KDM1B: variants seen among roughly 807,000 people sequenced by gnomAD.
KDM1B encodes lysine demethylase 1B.
In KDM1B, 63 loss-of-function variants were observed where a neutral mutation model predicts 107.4. The ratio of observed to expected loss-of-function variants is 0.59; its 90% CI spans 0.48 to 0.72. KDM1B has a LOEUF of 0.72. Among genes scored for constraint, KDM1B ranks in the 30% least tolerant of loss-of-function variants. The probability of loss-of-function intolerance (pLI) is 0.00; values close to 1 mark genes in which losing one functional copy is unlikely to be tolerated. For missense variants in KDM1B, 749 were observed against 1,020.8 expected (o/e 0.73, Z 3.63); for synonymous variants, 363 against 363.9 (o/e 1.00, Z 0.03).
At chr6:18,165,925 G>A (rs1785268545) in intron 5 of KDM1B, among the ~76,000 whole-genome samples, 1 of 152,154 alleles carries the variant, frequency 6.6e-6, no homozygotes, top group African/African-American at 2.4e-5. Flanking sequence ...GGAGTTCGAG[G>A]TTGCAGCACA....
chr6:18,221,706 A>C (rs538769183), intron 21 of KDM1B, among the ~76,000 whole-genome samples: 1 of 152,238 alleles, frequency 6.6e-6, no homozygotes, highest in East Asian at 1.9e-4. Context: ...TAGTACTTCA[A>C]GATAGCATAC....
Position 18,162,135 on chromosome 6 carries a change from A to G in KDM1B, c.215+681A>G, listed in dbSNP as rs1046952490. Among the ~76,000 whole-genome samples the G allele has an allele frequency of 1.6e-4, 24 of 152,112 alleles. No individual in the cohort carries two copies. The highest frequency in any genetic ancestry group is 1.8e-4 in the Non-Finnish European group (12 of 68,018). On this transcript the variant is annotated intron_variant, in intron 4 of 21. Coordinates refer to ENST00000650836, the MANE Select transcript of KDM1B (RefSeq NM_001364614.2). The surrounding 1 kb of genome is among the most constrained non-coding windows in gnomAD (Gnocchi z 4.1). The stretch of plus-strand genomic sequence containing the variant: ...CAGGAGTTCCAGACCAGCCTGGCCA[A>G]CATGGTGAAACCCTGTCTCTACTAA...
intron 9 of KDM1B, among the ~76,000 whole-genome samples, chr6:18,189,699 A>C (rs1787145869): frequency 6.6e-6 from 1 of 152,212 alleles, no homozygotes; most frequent in Admixed American, 6.5e-5. Context: ...CATGAAGGCA[A>C]ATATCTATTA....
chr6:18,199,311 A>C (rs1787880941), intron 12 of KDM1B, among the ~76,000 whole-genome samples: 1 of 152,174 alleles, frequency 6.6e-6, no homozygotes, highest in African/African-American at 2.4e-5. Context: ...AGTTTGGAGA[A>C]TCAATATTCC....
In KDM1B at chr6:18,155,436, AGCGGCG is replaced by A; in HGVS notation, c.-178_-173del. On this transcript the variant is annotated 5_prime_UTR_variant, in exon 1 of 22. Transcript: ENST00000650836. The surrounding 1 kb of genome is among the most constrained non-coding windows in gnomAD (Gnocchi z 6.2). ...CGGGTCACGCCGTGACAGGGGCGGA[AGCGGCG>A]GCGGCGGCGGCGGCCGAGAAGAGGC... 1.3e-5 allele frequency: 2 copies of A among 158,108 alleles called. No homozygotes were observed. The highest frequency in any genetic ancestry group is 2.8e-5 in the Non-Finnish European group (2 of 72,662). 9.8% of individuals were successfully genotyped at this position (158,108 alleles called of 1,614,324 possible). A position where few individuals can be genotyped will look rare whatever the true frequency, so the allele number is the denominator to read the frequency against.
rs191046265 is a variant in KDM1B, at chr6:18,209,642, G to C, written c.1866+1436G>C. ...TTTTTCAGAGACAGGGTCTCAGTCT[G>C]TCGCCCAGGCTGGAGTGCAGTGGCA... On this transcript the variant is annotated intron_variant, in intron 17 of 21. Transcript: ENST00000650836. The surrounding 1 kb of genome is among the most constrained non-coding windows in gnomAD (Gnocchi z 4.3). 4.6e-5 allele frequency among the ~76,000 whole-genome samples: 7 copies of C among 152,282 alleles called. No homozygotes were observed. The East Asian group carries it at 1.4e-3, about 29-fold the overall frequency.
intron 10 of KDM1B, among the ~76,000 whole-genome samples, chr6:18,192,230 C>G (rs1205847857): frequency 1.3e-5 from 2 of 152,164 alleles, no homozygotes; most frequent in Non-Finnish European, 2.9e-5. Flanking sequence ...CCACTGCACT[C>G]TAGCTTGGGT....
At chr6:18,210,770 G>A (rs1044810092) in intron 17 of KDM1B, among the ~76,000 whole-genome samples, 6 of 152,120 alleles carry the variant, frequency 3.9e-5, no homozygotes, top group East Asian at 1.9e-4. Flanking sequence ...AGGCTGAGGC[G>A]AGAAGATGGC....
At chr6:18,171,582 G>T in intron 7 of KDM1B, 103 bp downstream of exon 7, 1 of 722,072 alleles carries the variant, frequency 1.4e-6, no homozygotes, top group African/African-American at 1.7e-5. Context: ...ATTCTGTCAA[G>T]GTTGTATTTG....
rs1787744308 is a variant in KDM1B, at chr6:18,197,798, A to G, written c.1221+137A>G. 1.8e-6 allele frequency: 1 copy of G among 543,420 alleles called. No individual in the cohort carries two copies. Among genetic ancestry groups the G allele is most frequent in the East Asian group, 3.3e-5 (1 of 30,478 alleles). The allele number at this position is 543,420 out of a possible 1,614,324, so 33.7% of individuals were successfully genotyped here. A position where few individuals can be genotyped will look rare whatever the true frequency, so the allele number is the denominator to read the frequency against. ...TATATGTTTATATTAGGTCCTAGAA[A>G]AGTTATAAAACTTGAAATTGATTTC... On this transcript the variant is annotated intron_variant, in intron 12 of 21. Coordinates refer to ENST00000650836, the MANE Select transcript of KDM1B (RefSeq NM_001364614.2). This position sits in a 1 kb window ranked among gnomAD's most constrained non-coding sequence, Gnocchi z 4.5.
intron 6 of KDM1B, among the ~76,000 whole-genome samples, chr6:18,167,183 C>A (rs966021489): frequency 6.6e-6 from 1 of 151,712 alleles, no homozygotes. Context: ...GGGGAAACCC[C>A]GTCTCTACTA....
chr6:18,194,795 G>A (rs1239443303), intron 10 of KDM1B, among the ~76,000 whole-genome samples: 7 of 152,108 alleles, frequency 4.6e-5, no homozygotes, highest in African/African-American at 1.7e-4. Flanking sequence ...GAGCCACCGT[G>A]CCTAGCCCTA....
At chr6:18,157,802 A>G (rs1223915209) in intron 2 of KDM1B, among the ~76,000 whole-genome samples, 2 of 142,344 alleles carry the variant, frequency 1.4e-5, no homozygotes, top group African/African-American at 2.6e-5. Flanking sequence ...TTATAGGTAG[A>G]TAGTCCTTTT....
intron 12 of KDM1B, among the ~76,000 whole-genome samples, chr6:18,199,601 C>T (rs1462825455): frequency 6.6e-6 from 1 of 152,074 alleles, no homozygotes. Context: ...CTTCTCATGC[C>T]ACCAGCATTA....
At chr6:18,206,944 A>G (rs755804151) in intron 15 of KDM1B, among the ~76,000 whole-genome samples, 18 of 152,188 alleles carry the variant, frequency 1.2e-4, no homozygotes, top group Non-Finnish European at 2.4e-4. Context: ...AACTCCACGG[A>G]TGATTTCAGA....
chr6:18,199,008 G>GAAAAAAAAAAA (rs70974711), intron 12 of KDM1B, among the ~76,000 whole-genome samples: 146 of 74,636 alleles, frequency 2.0e-3, no homozygotes, highest in Non-Finnish European at 2.6e-3. Context: ...GTCTCTACCA[G>GAAAAAAAAAAA]AAAAAAAAAA....
Position 18,201,505 on chromosome 6 carries a change from A to C in KDM1B, c.1379A>C (p.Lys460Thr), listed in dbSNP as rs1561942519. 2 of 1,548,802 alleles carry C rather than the reference A, an allele frequency of 1.3e-6. No individual in the cohort carries two copies. Among genetic ancestry groups the C allele is most frequent in the Non-Finnish European group, 1.7e-6 (2 of 1,146,568 alleles). Residue 460 changes from lysine (K) to threonine (T), a missense_variant, in exon 14 of 22, where the codon AAA (lysine) becomes ACA (threonine). Transcript: ENST00000650836. The surrounding 1 kb of genome is among the most constrained non-coding windows in gnomAD (Gnocchi z 4.3). The part of the protein sequence containing the change: ...MCEQLGISMH[K>T]FGERCDLIQE... The stretch of plus-strand genomic sequence containing the variant: ...TTGAAGCTTGGCATCAGCATGCATA[A>C]ATTTGGAGAAAGATGTGACTTAATT...
chr6:18,189,163 C>T lies in KDM1B; in HGVS notation c.784+1161C>T, dbSNP rs549159003. 6.6e-5 allele frequency among the ~76,000 whole-genome samples: 10 copies of T among 152,218 alleles called. No individual in the cohort carries two copies. In the East Asian group the frequency reaches 7.7e-4, roughly 12 times the overall value. The stretch of plus-strand genomic sequence containing the variant: ...AGAAGCAAGAATTCTGGATTTCCTA[C>T]GCCTGGACAGGAACAAATGGCATTT... On this transcript the variant is annotated intron_variant, in intron 9 of 21. Coordinates refer to ENST00000650836, the MANE Select transcript of KDM1B (RefSeq NM_001364614.2).
intron 9 of KDM1B, among the ~76,000 whole-genome samples, chr6:18,189,167 T>C (rs1056332074): frequency 2.0e-5 from 3 of 152,178 alleles, no homozygotes; most frequent in African/African-American, 7.2e-5. Flanking sequence ...TTCCTACGCC[T>C]GGACAGGAAC....
Sources: gnomAD v4.1 joint callset for allele counts (sites outside exome capture counted in the v4.1 genomes callset) on GRCh38, gnomAD v4.1.1 for gene constraint, Gnocchi (gnomAD v3.1) non-coding constraint, MANE v1.5 for transcripts, NCBI Gene and HGNC (gene_info 2026-07-23, HGNC 2026-07-21) for gene names.